Variants in UTP20 observed in about 807,000 individuals in gnomAD.
UTP20 encodes UTP20 small subunit processome component, also known as small subunit processome component 20 homolog.
UTP20 carries 164 observed loss-of-function variants against 329.5 expected under a neutral mutation model. That is an observed-to-expected ratio of 0.50 (90% CI 0.44 to 0.57). UTP20 has a LOEUF of 0.57. Ranked by LOEUF, UTP20 falls within the 20% of genes least tolerant of loss-of-function variation. UTP20 has a pLI of 0.00. For missense variants in UTP20, 3,055 were observed against 3,284.2 expected, an observed-to-expected ratio of 0.93 and a Z score of 1.71; for synonymous variants, 1,151 against 1,159.3, an observed-to-expected ratio of 0.99 and a Z score of 0.14.
At chr12:101,290,690 A>G in intron 7 of UTP20, 43 bp from the exon 8 acceptor site, 1 of 1,550,216 alleles carries the variant, frequency 6.5e-7, no homozygotes, top group Non-Finnish European at 8.7e-7. Flanking sequence ...ATACTTGAAA[A>G]TAAGAGTTTA....
Position 101,386,366 on chromosome 12 carries a change from C to A in UTP20, c.*243C>A. 1 of 332,110 alleles carries A rather than the reference C, an allele frequency of 3.0e-6. No homozygotes were observed. The highest frequency in any genetic ancestry group is 5.4e-6 in the Non-Finnish European group (1 of 185,898). 20.6% of individuals were successfully genotyped at this position (332,110 alleles called of 1,614,324 possible). A position where few individuals can be genotyped will look rare whatever the true frequency, so the allele number is the denominator to read the frequency against. ...TGCCTCCTAGGCACACAACACTATG[C>A]CCGGCAAATTTTTTGTATTTTGTAT... On this transcript the variant is annotated 3_prime_UTR_variant, in exon 62 of 62. Transcript: ENST00000261637.
intron 19 of UTP20, among the ~76,000 whole-genome samples, chr12:101,310,716 A>G (rs1323319169): frequency 6.6e-6 from 1 of 151,980 alleles, no homozygotes; most frequent in Admixed American, 6.6e-5. Context: ...GCCTTTCAAA[A>G]CCCCAACGAT....
chr12:101,351,150 G>A (rs766093158), intron 38 of UTP20, among the ~76,000 whole-genome samples: 3 of 148,280 alleles, frequency 2.0e-5, no homozygotes, highest in African/African-American at 5.0e-5. Context: ...TTTCCAAGAC[G>A]CAGTCTCACT....
chr12:101,302,892 C>T (rs1872558464), intron 15 of UTP20, among the ~76,000 whole-genome samples: 1 of 152,230 alleles, frequency 6.6e-6, no homozygotes, highest in Admixed American at 6.5e-5. Flanking sequence ...CACATTCCCA[C>T]TCTTGTTCGG....
chr12:101,366,062 T>C (rs1348893002), intron 46 of UTP20, among the ~76,000 whole-genome samples: 1 of 151,956 alleles, frequency 6.6e-6, no homozygotes, highest in East Asian at 1.9e-4. Context: ...GAAACCCCAT[T>C]CTCTACTAAA....
At chr12:101,326,122 A>G (rs749815249) in intron 25 of UTP20, among the ~76,000 whole-genome samples, 3 of 152,218 alleles carry the variant, frequency 2.0e-5, no homozygotes, top group Non-Finnish European at 4.4e-5. Flanking sequence ...TTTGTTGAAC[A>G]TATATTAAAA....
At chr12:101,340,356 T>A (rs1208880289) in intron 31 of UTP20, among the ~76,000 whole-genome samples, 167 bp from the exon 32 acceptor site, 2 of 152,228 alleles carry the variant, frequency 1.3e-5, no homozygotes, top group African/African-American at 4.8e-5. Context: ...TGAGCACAGC[T>A]AAGTAACTGA....
intron 32 of UTP20, among the ~76,000 whole-genome samples, chr12:101,341,063 C>A (rs1013854366): frequency 1.4e-5 from 2 of 145,536 alleles, no homozygotes; most frequent in African/African-American, 2.5e-5. Context: ...GCAACCTCCA[C>A]CTCCTGGGTT....
At chr12:101,363,856 T>C (rs1359608368) in intron 45 of UTP20, 113 bp downstream of exon 45, 1 of 708,556 alleles carries the variant, frequency 1.4e-6, no homozygotes, top group Non-Finnish European at 2.4e-6. Context: ...TGATTTCCTT[T>C]GGTGATAGGG....
At chr12:101,331,751 A>G (rs1380564698) in intron 27 of UTP20, among the ~76,000 whole-genome samples, 3 of 152,130 alleles carry the variant, frequency 2.0e-5, no homozygotes, top group Non-Finnish European at 4.4e-5. Flanking sequence ...GTCTTTATAA[A>G]TTGCAAGGTG....
intron 2 of UTP20, 38 bp downstream of exon 2, chr12:101,281,234 A>G (rs1274752864): frequency 1.9e-6 from 3 of 1,549,440 alleles, no homozygotes; most frequent in South Asian, 1.1e-5. Flanking sequence ...TCAAGTGTTC[A>G]TGGTGTTTTA....
intron 38 of UTP20, among the ~76,000 whole-genome samples, chr12:101,347,969 C>T (rs1222648363): frequency 6.6e-6 from 1 of 152,148 alleles, no homozygotes; most frequent in Non-Finnish European, 1.5e-5. Context: ...GCTGGGATTA[C>T]AGGCACCCGC....
intron 28 of UTP20, 32 bp downstream of exon 28, chr12:101,333,476 C>T (rs1285954491): frequency 1.3e-5 from 21 of 1,604,764 alleles, no homozygotes; most frequent in East Asian, 4.5e-5. Flanking sequence ...TGCCTATGTA[C>T]GTTCTGCTTT....
chr12:101,295,224 TA>T (rs2137238256), intron 11 of UTP20, among the ~76,000 whole-genome samples: 1 of 152,300 alleles, frequency 6.6e-6, no homozygotes, highest in South Asian at 2.1e-4. Flanking sequence ...TGAGATTTAA[TA>T]CATCTGAAAA....
Position 101,371,176 on chromosome 12 carries a change from G to C in UTP20, c.6798+8G>C, listed in dbSNP as rs1220534362. On this transcript the variant is annotated splice_region_variant and intron_variant, in intron 51 of 61. Transcript: ENST00000261637. The stretch of plus-strand genomic sequence containing the variant: ...AGGGTCCAGTGTAGACAGGTTTGTA[G>C]AGAGCACTTATCCCCATAGCAAGGG... 1 of 1,600,274 alleles carries C rather than the reference G, an allele frequency of 6.2e-7. No individual in the cohort carries two copies. The highest frequency in any genetic ancestry group is 8.5e-7 in the Non-Finnish European group (1 of 1,172,480).
chr12:101,341,809 G>C (rs544238927), intron 32 of UTP20, among the ~76,000 whole-genome samples: 1 of 152,262 alleles, frequency 6.6e-6, no homozygotes, highest in Non-Finnish European at 1.5e-5. Flanking sequence ...GGAGGCTGAG[G>C]CAGGAGAATC....
chr12:101,305,740 T>C (rs1872628802), intron 15 of UTP20, among the ~76,000 whole-genome samples, 175 bp from the exon 16 acceptor site: 1 of 151,990 alleles, frequency 6.6e-6, no homozygotes, highest in Non-Finnish European at 1.5e-5. Flanking sequence ...ATGTCACTCA[T>C]TGTTGCTGGG....
chr12:101,300,111 A>T, intron 14 of UTP20, 50 bp downstream of exon 14: 1 of 1,539,668 alleles, frequency 6.5e-7, no homozygotes, highest in East Asian at 2.2e-5. Context: ...TGGCACACTC[A>T]AAGTAATTGT....
intron 19 of UTP20, among the ~76,000 whole-genome samples, chr12:101,310,597 A>AAAAAAAAAAAAAC (rs1380114662): frequency 1.3e-5 from 2 of 150,342 alleles, no homozygotes; most frequent in South Asian, 2.1e-4. Flanking sequence ...AAAAAAAAAA[A>AAAAAAAAAAAAAC]ATACATGTTA....
Sources: gnomAD v4.1 joint callset for allele counts (sites outside exome capture counted in the v4.1 genomes callset) on GRCh38, gnomAD v4.1.1 for gene constraint, MANE v1.5 for transcripts, NCBI Gene and HGNC (gene_info 2026-07-23, HGNC 2026-07-21) for gene names.